The following DPPA4 variants were observed in gnomAD, a reference collection of about 807,000 sequenced individuals.
DPPA4 encodes developmental pluripotency-associated protein 4.
Under a neutral mutation model 33.7 loss-of-function variants are expected in DPPA4, and 22 were observed. That is an observed-to-expected ratio of 0.65 (90% CI 0.47 to 0.93). The LOEUF (loss-of-function observed/expected upper bound fraction) is 0.93, where lower values mean the gene tolerates loss of function less well. Ranked by LOEUF, DPPA4 falls within the 40% of genes least tolerant of loss-of-function variation. DPPA4 has a pLI of 0.00. For synonymous variants in DPPA4, 156 were observed against 132.3 expected, an observed-to-expected ratio of 1.18 and a Z score of -1.23; for missense variants, 340 against 358.6, an observed-to-expected ratio of 0.95 and a Z score of 0.42.
chr3:109,331,874 GC>G lies in DPPA4; in HGVS notation c.335del (p.Gly112AlafsTer38). On this transcript the variant is annotated frameshift_variant, in exon 3 of 7. Transcript: ENST00000335658. LOFTEE classifies it high-confidence loss of function. ...CGTCCCCAGCCTGGGACCTCACCTG[GC>G]CTTTGGAGCTCAGCTTCAATTGTTG... is the stretch of plus-strand genomic sequence containing the variant. ...WCQQLKLSSK[G>X]QKLDAYKRLC... is the part of the protein sequence containing the mutation. 1 of 1,614,056 alleles carries G rather than the reference GC, an allele frequency of 6.2e-7. No individual in the cohort carries two copies. Among genetic ancestry groups the G allele is most frequent in the Non-Finnish European group, 8.5e-7 (1 of 1,180,012 alleles).
rs765611390 is a variant in DPPA4 at position 109,337,491 on chromosome 3, T to A, written c.27A>T (p.Thr9=). Residue 9 remains threonine, a synonymous_variant, in exon 1 of 7, where the codon ACA becomes ACT. Transcript: ENST00000335658. MLRGSASS[T]SMEKAKGKEW... Reference sequence around the variant, plus strand: ...CCTTGCCTTTTGCCTTCTCCATACTTGTAGAAGAAGCGGAGCCTCGCAACA... The same window carrying A: ...CCTTGCCTTTTGCCTTCTCCATACTAGTAGAAGAAGCGGAGCCTCGCAACA... 5 of 1,614,110 alleles carry A rather than the reference T, an allele frequency of 3.1e-6. 1 individual carries two copies. In the South Asian group the frequency reaches 5.5e-5, roughly 18 times the overall value.
In DPPA4 at chr3:109,327,470, A is replaced by G. The variant is rs1707962189; in HGVS notation, c.*518T>C. On this transcript the variant is annotated 3_prime_UTR_variant, in exon 7 of 7. Transcript: ENST00000335658. ...GTGATCACTTGAGTCCAGGAGTTTG[A>G]GACCAACCTGGCCAACATGGTGAAA... 6.5e-6 allele frequency: 1 copy of G among 152,760 alleles called. No individual in the cohort carries two copies. Among genetic ancestry groups the G allele is most frequent in the Admixed American group, 6.5e-5 (1 of 15,300 alleles). 9.5% of individuals were successfully genotyped at this position (152,760 alleles called of 1,614,324 possible).
Position 109,327,751 on chromosome 3 carries a change from C to A in DPPA4, c.*237G>T. 2.4e-6 allele frequency: 1 copy of A among 423,338 alleles called. No homozygotes were observed. The highest frequency in any genetic ancestry group is 4.2e-6 in the Non-Finnish European group (1 of 237,776). 26.2% of individuals were successfully genotyped at this position (423,338 alleles called of 1,614,324 possible). A position where few individuals can be genotyped will look rare whatever the true frequency, so the allele number is the denominator to read the frequency against. On this transcript the variant is annotated 3_prime_UTR_variant, in exon 7 of 7. Transcript: ENST00000335658. ...AATGAGTTTTTCTACATATTAACTA[C>A]AATTTATGGTAATTTGTGAAATGTT...
chr3:109,330,428 A>G (rs1473451377), intron 5 of DPPA4, 96 bp downstream of exon 5: 8 of 1,445,754 alleles, frequency 5.5e-6, no homozygotes, highest in South Asian at 4.7e-5. Flanking sequence ...CCGGCCCTCA[A>G]AGGGATTTTG....
At position 109,331,858 on chromosome 3, in the gene DPPA4, C is replaced by A. The variant is rs376868290; in HGVS notation, c.339+13G>T. ...TTCCTCCCAGCAGCACCGTCCCCAG[C>A]CTGGGACCTCACCTGGCCTTTGGAG... On this transcript the variant is annotated intron_variant, in intron 3 of 6. Transcript: ENST00000335658. 2.9e-5 allele frequency: 47 copies of A among 1,613,528 alleles called. No individual in the cohort carries two copies. The highest frequency in any genetic ancestry group is 3.7e-5 in the Non-Finnish European group (44 of 1,179,634).
chr3:109,337,190 G>A (rs1708231996), intron 1 of DPPA4, among the ~76,000 whole-genome samples: 1 of 149,796 alleles, frequency 6.7e-6, no homozygotes, highest in Non-Finnish European at 1.5e-5. Context: ...GTGAGCCACC[G>A]CGCCCGGCCT....
At chr3:109,333,001 GT>G (rs1708114292) in intron 2 of DPPA4, among the ~76,000 whole-genome samples, 1 of 152,070 alleles carries the variant, frequency 6.6e-6, no homozygotes, top group Admixed American at 6.6e-5. Flanking sequence ...CAGGAGAACT[GT>G]TTGAACCCGG....
At chr3:109,334,807 A>G (rs1340721166) in intron 1 of DPPA4, among the ~76,000 whole-genome samples, 6 of 152,216 alleles carry the variant, frequency 3.9e-5, no homozygotes, top group African/African-American at 1.4e-4. Context: ...AAGTTGTTAC[A>G]TTCCTCAGCC....
intron 1 of DPPA4, 90 bp downstream of exon 1, chr3:109,337,374 C>G: frequency 1.6e-6 from 2 of 1,216,830 alleles, no homozygotes. Flanking sequence ...AAGGCACATT[C>G]TTTTCTCCTT....
Position 109,333,991 on chromosome 3 carries a change from C to T in DPPA4, c.57G>A (p.Trp19Ter). The T allele has an allele frequency of 1.2e-6, 2 of 1,614,030 alleles. No homozygotes were observed. Among genetic ancestry groups the T allele is most frequent in the Non-Finnish European group, 1.7e-6 (2 of 1,179,956 alleles). Residue 19 changes from tryptophan (W) to a stop codon, truncating the protein, a stop_gained and splice_region_variant, in exon 2 of 7, where the codon TGG becomes TGA. Transcript: ENST00000335658. LOFTEE classifies it high-confidence loss of function. ...TSMEKAKGKE[W>*]TSTEKSREED... ...CTTCCCTCGACTTCTCTGTGGAGGT[C>T]CACTGGGGAACAGAGGAGCTGGTCA...
chr3:109,337,370 C>G, intron 1 of DPPA4, 94 bp downstream of exon 1: 1 of 1,146,338 alleles, frequency 8.7e-7, no homozygotes, highest in Non-Finnish European at 1.3e-6. Flanking sequence ...TTCGAAGGCA[C>G]ATTCTTTTCT....
chr3:109,339,190 CAAAATAAAACATAAAATA>C (rs1708266697), upstream of DPPA4, among the ~76,000 whole-genome samples: 2 of 151,654 alleles, frequency 1.3e-5, no homozygotes, highest in South Asian at 4.2e-4. Context: ...GACTCCATCT[CAAAATAAAACATAAAATA>C]AAAATAAAAC....
upstream of DPPA4, among the ~76,000 whole-genome samples, chr3:109,338,569 T>A (rs1259757788): frequency 6.6e-6 from 1 of 152,140 alleles, no homozygotes; most frequent in African/African-American, 2.4e-5. Context: ...TCATTGCTTG[T>A]CCTAAAATGA....
At chr3:109,335,707 G>C (rs1708179665) in intron 1 of DPPA4, among the ~76,000 whole-genome samples, 1 of 151,966 alleles carries the variant, frequency 6.6e-6, no homozygotes, top group Admixed American at 6.6e-5. Flanking sequence ...TGGGATTACA[G>C]GCGTGTGCCA....
intron 6 of DPPA4, among the ~76,000 whole-genome samples, 181 bp from the exon 7 acceptor site, chr3:109,328,205 T>C (rs901328593): frequency 1.3e-4 from 20 of 152,156 alleles, no homozygotes; most frequent in African/African-American, 4.6e-4. Flanking sequence ...GCCTCTGTAA[T>C]ATATTCCCTG....
intron 6 of DPPA4, 113 bp from the exon 7 acceptor site, chr3:109,328,137 A>G: frequency 1.4e-6 from 1 of 704,346 alleles, no homozygotes; most frequent in South Asian, 1.6e-5. Flanking sequence ...TTAGGATCAT[A>G]GGTAGCAAGC....
At chr3:109,331,281 A>G (rs1343833941) in intron 4 of DPPA4, among the ~76,000 whole-genome samples, 79 of 145,710 alleles carry the variant, frequency 5.4e-4, no homozygotes, top group Non-Finnish European at 8.2e-4. Flanking sequence ...AAAAAAAAAA[A>G]AAAGAAAGAA....
chr3:109,327,782 A>G lies in DPPA4; in HGVS notation c.*206T>C, dbSNP rs981946770. 10 of 465,474 alleles carry G rather than the reference A, an allele frequency of 2.1e-5. No individual in the cohort carries two copies. The highest frequency in any genetic ancestry group is 3.4e-5 in the Non-Finnish European group (9 of 261,070). The allele number at this position is 465,474 out of a possible 1,614,324, so 28.8% of individuals were successfully genotyped here. ...ATGGTAATTTGTGAAATGTTTTTCC[A>G]TTTTTAAATGTAAGAGTCTCTATCT... On this transcript the variant is annotated 3_prime_UTR_variant, in exon 7 of 7. Coordinates refer to ENST00000335658, the MANE Select transcript of DPPA4 (RefSeq NM_018189.4).
At chr3:109,337,550 A>T, upstream of DPPA4, 3 of 1,609,886 alleles carry the variant, frequency 1.9e-6, no homozygotes, top group Non-Finnish European at 2.6e-6. Flanking sequence ...CAAGATTGCT[A>T]TTTGCAAAGT....
Sources: allele counts gnomAD v4.1 joint callset (sites outside exome capture counted in the v4.1 genomes callset), GRCh38; gene constraint gnomAD v4.1.1; transcripts MANE v1.5; gene names NCBI Gene and HGNC (gene_info 2026-07-23, HGNC 2026-07-21).